The following ATP9B variants were observed in gnomAD, a reference collection of about 807,000 sequenced individuals.
ATP9B encodes the protein ATPase phospholipid transporting 9B, also known as probable phospholipid-transporting ATPase IIB.
In ATP9B, 110 loss-of-function variants were observed where a neutral mutation model predicts 146.1. That is an observed-to-expected ratio of 0.75 (90% CI 0.65 to 0.88). The LOEUF (loss-of-function observed/expected upper bound fraction) is 0.88. Ranked by LOEUF, ATP9B falls within the 40% of genes least tolerant of loss-of-function variation. The pLI, the probability that ATP9B is intolerant of heterozygous loss-of-function variation, is 0.00. For synonymous variants in ATP9B, 604 were observed against 569.7 expected, an observed-to-expected ratio of 1.06 and a Z score of -0.86; for missense variants, 1,499 against 1,496.4, an observed-to-expected ratio of 1.00 and a Z score of -0.03.
chr18:79,313,656 T>C (rs1389442557), intron 15 of ATP9B, among the ~76,000 whole-genome samples: 2 of 152,332 alleles, frequency 1.3e-5, no homozygotes, highest in African/African-American at 4.8e-5. Flanking sequence ...ATATAAGTCA[T>C]AACACTTTTT....
intron 12 of ATP9B, among the ~76,000 whole-genome samples, chr18:79,261,247 T>C (rs186141967): frequency 2.6e-3 from 389 of 152,268 alleles, no homozygotes; most frequent in African/African-American, 9.1e-3. Flanking sequence ...CTCCCATGCA[T>C]GCCGTGATGG....
intron 7 of ATP9B, among the ~76,000 whole-genome samples, chr18:79,155,753 CTTTTTTTTT>C (rs56002235): frequency 1.8e-4 from 13 of 74,046 alleles, no homozygotes; most frequent in Admixed American, 6.3e-4. Context: ...TGTTTTCTCT[CTTTTTTTTT>C]TTTTTTTTTT....
intron 15 of ATP9B, among the ~76,000 whole-genome samples, chr18:79,325,702 G>A (rs2096740381): frequency 3.3e-5 from 5 of 152,076 alleles, no homozygotes; most frequent in Non-Finnish European, 1.5e-5. Context: ...GAAAAGGAGG[G>A]ACAGGTGCCT....
intron 1 of ATP9B, chr18:79,086,513 T>A (rs1391692065): frequency 7.3e-6 from 1 of 137,362 alleles, no homozygotes; most frequent in Non-Finnish European, 1.6e-5. Flanking sequence ...ATGTTTTACT[T>A]ATTTTTTTTT....
chr18:79,168,329 C>T (rs997110725), intron 7 of ATP9B, among the ~76,000 whole-genome samples: 10 of 151,624 alleles, frequency 6.6e-5, no homozygotes, highest in African/African-American at 1.9e-4. Context: ...TAAAAATAAA[C>T]AAATGAGTAT....
At chr18:79,221,247 C>A (rs2095673848) in intron 11 of ATP9B, among the ~76,000 whole-genome samples, 1 of 152,150 alleles carries the variant, frequency 6.6e-6, no homozygotes, top group Non-Finnish European at 1.5e-5. Context: ...ACCGACTACC[C>A]CCGAGTCATC....
chr18:79,340,043 G>A (rs929160598), intron 19 of ATP9B, among the ~76,000 whole-genome samples: 19 of 152,126 alleles, frequency 1.2e-4, no homozygotes, highest in Admixed American at 2.0e-4. Context: ...AGGCTGAGGC[G>A]GGAGGCTCAA....
At chr18:79,280,503 C>T (rs1371253681) in intron 13 of ATP9B, among the ~76,000 whole-genome samples, 1 of 152,116 alleles carries the variant, frequency 6.6e-6, no homozygotes, top group African/African-American at 2.4e-5. Context: ...AGTTTCAATA[C>T]ATAAAGCAAG....
rs1213808643 is a variant in ATP9B, at chr18:79,340,763, A to G, written c.2284-1505A>G. Among the ~76,000 whole-genome samples the G allele has an allele frequency of 2.6e-5, 4 of 152,356 alleles. 1 individual carries two copies. The highest frequency in any genetic ancestry group is 6.8e-3 in the Middle Eastern group (2 of 294). On this transcript the variant is annotated intron_variant, in intron 19 of 29. Coordinates refer to ENST00000426216, the MANE Select transcript of ATP9B (RefSeq NM_198531.5). ...GCATGGGTATGCAATTTTTAAATGT[A>G]AAAGTGCTACTATTTGACATGTTTT...
chr18:79,253,609 T>C (rs1171565781), intron 12 of ATP9B, 68 bp downstream of exon 12: 1 of 1,457,960 alleles, frequency 6.9e-7, no homozygotes, highest in African/African-American at 1.4e-5. Context: ...GAATTTATCT[T>C]TCTCAGTATG....
At chr18:79,167,320 G>T (rs1356626228) in intron 7 of ATP9B, among the ~76,000 whole-genome samples, 3 of 152,214 alleles carry the variant, frequency 2.0e-5, no homozygotes, top group Non-Finnish European at 1.5e-5. Flanking sequence ...AGGCAAAGAG[G>T]TGGTTTATTG....
intron 4 of ATP9B, among the ~76,000 whole-genome samples, chr18:79,125,220 C>A (rs142569122): frequency 6.6e-6 from 1 of 151,768 alleles, no homozygotes; most frequent in African/African-American, 2.4e-5. Context: ...GTTGTAGGGC[C>A]GAGGGAGGCT....
intron 11 of ATP9B, among the ~76,000 whole-genome samples, chr18:79,217,847 G>A (rs2095642166): frequency 6.6e-6 from 1 of 152,208 alleles, no homozygotes; most frequent in Admixed American, 6.5e-5. Flanking sequence ...CGGTAAACAT[G>A]TACAGGGGAA....
At chr18:79,096,800 C>A in intron 2 of ATP9B, 151 bp downstream of exon 2, 1 of 688,088 alleles carries the variant, frequency 1.5e-6, no homozygotes, top group Non-Finnish European at 2.3e-6. Context: ...TAATCAAAGC[C>A]AAACAATGCT....
chr18:79,148,972 A>G (rs866524192), intron 6 of ATP9B, among the ~76,000 whole-genome samples: 25 of 152,296 alleles, frequency 1.6e-4, no homozygotes, highest in Middle Eastern at 6.8e-3. Context: ...AGTCATTGCT[A>G]TGAAAATGAA....
intron 12 of ATP9B, among the ~76,000 whole-genome samples, chr18:79,264,270 A>G (rs989124751): frequency 1.9e-4 from 29 of 152,206 alleles, no homozygotes; most frequent in African/African-American, 6.0e-4. Context: ...TTCTCATTGC[A>G]GTTTTAATGA....
chr18:79,234,735 C>T (rs1465406679), intron 11 of ATP9B, among the ~76,000 whole-genome samples: 3 of 152,030 alleles, frequency 2.0e-5, no homozygotes, highest in African/African-American at 4.8e-5. Flanking sequence ...GCTGTGGCTG[C>T]GGTTTCGACC....
chr18:79,205,454 A>C (rs990733795), intron 9 of ATP9B, among the ~76,000 whole-genome samples: 1 of 113,722 alleles, frequency 8.8e-6, no homozygotes, highest in African/African-American at 3.9e-5. Flanking sequence ...ATATGTTTTC[A>C]ATTTCTTTCC....
intron 25 of ATP9B, 52 bp downstream of exon 25, chr18:79,348,248 G>T (rs1435455576): frequency 5.5e-4 from 452 of 827,396 alleles, no homozygotes; most frequent in East Asian, 7.6e-4. Flanking sequence ...CTTCTATTTT[G>T]AAAAAAAAAA....
Sources: gnomAD v4.1 joint callset for allele counts (sites outside exome capture counted in the v4.1 genomes callset) on GRCh38, gnomAD v4.1.1 for gene constraint, MANE v1.5 for transcripts, NCBI Gene and HGNC (gene_info 2026-07-23, HGNC 2026-07-21) for gene names.